The following BANP variants were observed in gnomAD, a reference collection of about 807,000 sequenced individuals.
The protein encoded by BANP is BTG3 associated nuclear protein, also known as protein BANP.
Under a neutral mutation model 68.1 loss-of-function variants are expected in BANP, and 11 were observed. That is an observed-to-expected ratio of 0.16 (90% CI 0.10 to 0.27). The LOEUF (loss-of-function observed/expected upper bound fraction) is 0.27. BANP is among the 10% of genes least tolerant of loss of function. BANP has a pLI of 1.00. For missense variants in BANP, 504 were observed against 722.7 expected (o/e 0.70, Z 3.47); for synonymous variants, 329 against 303.2 (o/e 1.09, Z -0.88).
intron 1 of BANP, among the ~76,000 whole-genome samples, chr16:87,969,717 A>G (rs4843753): frequency 0.35 from 52,762 of 151,156 alleles, 10,414 homozygotes; most frequent in Non-Finnish European, 0.47. Flanking sequence ...TATCTTTAGT[A>G]GAGACGGGCT....
At chr16:88,033,816 T>A (rs12102643) in intron 9 of BANP, among the ~76,000 whole-genome samples, 1 of 152,102 alleles carries the variant, frequency 6.6e-6, no homozygotes. Context: ...GTGGTCAGCC[T>A]GATGCGCCTA....
rs149654715 is a variant in BANP at position 87,973,989 on chromosome 16, G to A, written c.-68-1059G>A. Among the ~76,000 whole-genome samples the A allele has an allele frequency of 8.6e-3, 1,315 of 152,222 alleles. 18 individuals carry two copies. The highest frequency in any genetic ancestry group is 0.029 in the African/African-American group (1,209 of 41,530). On this transcript the variant is annotated intron_variant, in intron 1 of 13. Transcript: ENST00000682872. ...CTGAAAACCTTACTTTTCCTTCTGC[G>A]ATGGGGGTTGTGGTTAGGGACAGTG...
chr16:87,970,983 C>G (rs1411745711), intron 1 of BANP, among the ~76,000 whole-genome samples: 1 of 150,714 alleles, frequency 6.6e-6, no homozygotes, highest in Non-Finnish European at 1.5e-5. Flanking sequence ...TGCCACTGCA[C>G]TCTGGCCTGG....
intron 6 of BANP, among the ~76,000 whole-genome samples, chr16:88,015,502 T>TG (rs1182885336): frequency 6.6e-6 from 1 of 152,270 alleles, no homozygotes; most frequent in Non-Finnish European, 1.5e-5. Flanking sequence ...CTTACCTTCC[T>TG]GGAGCACGTG....
chr16:87,983,956 A>C (rs1234760500), intron 3 of BANP, 104 bp from the exon 4 acceptor site: 1 of 1,423,260 alleles, frequency 7.0e-7, no homozygotes, highest in Non-Finnish European at 9.4e-7. Context: ...GTTCTGTCTG[A>C]ATAGATAGAG....
intron 3 of BANP, 147 bp from the exon 4 acceptor site, chr16:87,983,913 C>G (rs3815818): frequency 0.2 from 250,360 of 1,265,436 alleles, 28,412 homozygotes; most frequent in East Asian, 0.49. Flanking sequence ...GTTTCTGGCT[C>G]ATAGCTCACG....
chr16:87,955,084 C>T (rs570845834), intron 1 of BANP, among the ~76,000 whole-genome samples: 7 of 152,216 alleles, frequency 4.6e-5, no homozygotes, highest in East Asian at 1.9e-4. Flanking sequence ...TTTGGCTCCT[C>T]GCTGGGTCAG....
chr16:87,994,530 G>C (rs2066696686), intron 4 of BANP, among the ~76,000 whole-genome samples: 1 of 152,222 alleles, frequency 6.6e-6, no homozygotes, highest in Non-Finnish European at 1.5e-5. Context: ...GTTATTTGGA[G>C]GGTTGGTTTT....
intron 4 of BANP, among the ~76,000 whole-genome samples, chr16:87,988,246 T>C (rs181765472): frequency 2.1e-3 from 314 of 152,250 alleles, no homozygotes; most frequent in Non-Finnish European, 2.8e-3. Flanking sequence ...AATAAGGTGC[T>C]TCTATGGATT....
At chr16:88,035,439 C>T (rs564580251) in intron 10 of BANP, 45 bp downstream of exon 10, 83 of 1,511,342 alleles carry the variant, frequency 5.5e-5, no homozygotes, top group Non-Finnish European at 9.0e-6. Flanking sequence ...GGCACCGTGC[C>T]CACATGCTCC....
intron 4 of BANP, among the ~76,000 whole-genome samples, chr16:87,988,295 G>A (rs1438277551): frequency 2.0e-5 from 3 of 151,808 alleles, no homozygotes; most frequent in Admixed American, 6.6e-5. Flanking sequence ...ATGGAGTCTC[G>A]CTCTGTTGCC....
At position 88,071,685 on chromosome 16, in the gene BANP, G is replaced by A; in HGVS notation, c.1378-384G>A. 2.1e-6 allele frequency: 1 copy of A among 485,922 alleles called. No individual in the cohort carries two copies. The highest frequency in any genetic ancestry group is 4.1e-6 in the Non-Finnish European group (1 of 246,776). The allele number at this position is 485,922 out of a possible 1,614,324, so 30.1% of individuals were successfully genotyped here. On this transcript the variant is annotated intron_variant, in intron 12 of 13. Transcript: ENST00000682872. The surrounding 1 kb of genome is among the most constrained non-coding windows in gnomAD (Gnocchi z 6.5). ...CTGGCTTGGATTTTAGGCCTCAGTGGCACTCTGGGAGCGCTTGTGCTCTTC... is the reference window on the plus strand; with the variant it reads ...CTGGCTTGGATTTTAGGCCTCAGTGACACTCTGGGAGCGCTTGTGCTCTTC...
chr16:87,965,092 G>A (rs1285416343), intron 1 of BANP, among the ~76,000 whole-genome samples: 1 of 152,166 alleles, frequency 6.6e-6, no homozygotes. Context: ...CTGAGCAAAG[G>A]TTCCAGGGCC....
chr16:88,061,531 T>G (rs1255558504), intron 11 of BANP, among the ~76,000 whole-genome samples: 1 of 152,228 alleles, frequency 6.6e-6, no homozygotes, highest in Admixed American at 6.5e-5. Flanking sequence ...GTGTTAGTAT[T>G]CCCATCAGTG....
At chr16:88,062,106 T>C in intron 11 of BANP, among the ~76,000 whole-genome samples, 1 of 152,240 alleles carries the variant, frequency 6.6e-6, no homozygotes, top group Non-Finnish European at 1.5e-5. Context: ...TCTTGGCTTT[T>C]CCAGCACACC....
At chr16:87,982,949 CCAATGTGGGCCGGCCTCCCGCTCCCCTGT>C (rs1466284172) in intron 3 of BANP, among the ~76,000 whole-genome samples, 3 of 151,952 alleles carry the variant, frequency 2.0e-5, no homozygotes, top group South Asian at 2.1e-4. Flanking sequence ...CGTTCCGGCT[CCAATGTGGGCCGGCCTCCCGCTCCCCTGT>C]CAATGTGGGC....
At chr16:87,953,492 G>A (rs1453724807) in intron 1 of BANP, among the ~76,000 whole-genome samples, 4 of 152,156 alleles carry the variant, frequency 2.6e-5, no homozygotes, top group African/African-American at 9.7e-5. Flanking sequence ...GTGAGTGACT[G>A]CACCTAGCTC....
chr16:88,070,001 G>C (rs1424772853), intron 12 of BANP, among the ~76,000 whole-genome samples: 1 of 151,882 alleles, frequency 6.6e-6, no homozygotes, highest in Non-Finnish European at 1.5e-5. Context: ...TGAGGACGAA[G>C]GCCAGGATGA....
intron 4 of BANP, among the ~76,000 whole-genome samples, chr16:87,998,725 C>T (rs954025499): frequency 8.1e-5 from 12 of 149,012 alleles, no homozygotes; most frequent in Non-Finnish European, 1.5e-4. Context: ...CATGCACGCA[C>T]GTGCGCGGCT....
Sources: gnomAD v4.1 joint callset for allele counts (sites outside exome capture counted in the v4.1 genomes callset) on GRCh38, gnomAD v4.1.1 for gene constraint, Gnocchi (gnomAD v3.1) non-coding constraint, MANE v1.5 for transcripts, NCBI Gene and HGNC (gene_info 2026-07-23, HGNC 2026-07-21) for gene names.